Variants in RSBN1L observed in about 807,000 individuals in gnomAD.
RSBN1L encodes the protein round spermatid basic protein 1 like.
A neutral mutation model predicts 67.7 loss-of-function variants in RSBN1L; 30 were observed. The observed-to-expected ratio is 0.44, with a 90% confidence interval of 0.33 to 0.60. The LOEUF is 0.60. RSBN1L is among the 20% of genes least tolerant of loss of function. The pLI is 0.02. For missense variants in RSBN1L, 992 were observed against 1,031.7 expected (o/e 0.96, Z 0.53); for synonymous variants, 433 against 387.0 (o/e 1.12, Z -1.39).
chr7:77,760,828 G>T (rs923492291), intron 3 of RSBN1L, among the ~76,000 whole-genome samples: 7 of 152,150 alleles, frequency 4.6e-5, no homozygotes, highest in African/African-American at 1.7e-4. Context: ...TAGAGACGGG[G>T]TTTTGTCATG....
intron 1 of RSBN1L, among the ~76,000 whole-genome samples, chr7:77,726,291 C>G (rs939502874): frequency 6.6e-6 from 1 of 152,176 alleles, no homozygotes; most frequent in Non-Finnish European, 1.5e-5. Flanking sequence ...AGGATCCCAT[C>G]CAGGATACTG....
intron 3 of RSBN1L, among the ~76,000 whole-genome samples, chr7:77,761,097 T>A (rs1316862876): frequency 6.6e-6 from 1 of 152,222 alleles, no homozygotes; most frequent in Non-Finnish European, 1.5e-5. Flanking sequence ...TTTTTTTAGT[T>A]AATGGAAACG....
chr7:77,777,171 C>A (rs73136294), intron 6 of RSBN1L, among the ~76,000 whole-genome samples: 33,673 of 151,728 alleles, frequency 0.22, 4,062 homozygotes, highest in South Asian at 0.29. Flanking sequence ...TATTCCCTCC[C>A]CCCTCACATT....
intron 2 of RSBN1L, among the ~76,000 whole-genome samples, chr7:77,747,891 C>G (rs1584294070): frequency 6.6e-6 from 1 of 150,872 alleles, no homozygotes; most frequent in South Asian, 2.1e-4. Flanking sequence ...AAGCATGATG[C>G]TGGCATCTGC....
chr7:77,774,903 C>G (rs1234075208), intron 6 of RSBN1L, among the ~76,000 whole-genome samples: 1 of 152,038 alleles, frequency 6.6e-6, no homozygotes. Flanking sequence ...ACTCTGTTGC[C>G]CAGGCTATAG....
At chr7:77,757,688 A>G (rs1034635391) in intron 3 of RSBN1L, among the ~76,000 whole-genome samples, 2 of 152,232 alleles carry the variant, frequency 1.3e-5, no homozygotes, top group African/African-American at 4.8e-5. Context: ...TTGGCAGACC[A>G]GTTGGGTCTT....
At chr7:77,759,961 G>T (rs913147011) in intron 3 of RSBN1L, among the ~76,000 whole-genome samples, 3 of 152,130 alleles carry the variant, frequency 2.0e-5, no homozygotes, top group African/African-American at 7.2e-5. Context: ...CTCTCTTCAG[G>T]GAACATGTTT....
chr7:77,773,386 A>G (rs1791871476), intron 6 of RSBN1L, 72 bp downstream of exon 6: 2 of 1,115,798 alleles, frequency 1.8e-6, no homozygotes, highest in Non-Finnish European at 1.2e-6. Context: ...AAATCTTAGT[A>G]ATTCCTCCTT....
At chr7:77,717,998 G>A (rs527324207) in intron 1 of RSBN1L, among the ~76,000 whole-genome samples, 13 of 152,346 alleles carry the variant, frequency 8.5e-5, no homozygotes, top group South Asian at 2.1e-4. Flanking sequence ...CAGTCGGGGC[G>A]ACAGAGCGAG....
chr7:77,731,334 C>G (rs1791268988), intron 1 of RSBN1L, among the ~76,000 whole-genome samples: 1 of 152,148 alleles, frequency 6.6e-6, no homozygotes, highest in African/African-American at 2.4e-5. Flanking sequence ...CTCAACCTCT[C>G]ACCTAAAACT....
intron 5 of RSBN1L, among the ~76,000 whole-genome samples, chr7:77,771,882 T>C (rs1468115641): frequency 6.6e-6 from 1 of 152,098 alleles, no homozygotes; most frequent in Non-Finnish European, 1.5e-5. Flanking sequence ...GAAAGTCTCT[T>C]CTCAGAACAA....
At chr7:77,702,477 G>A (rs1790831581) in intron 1 of RSBN1L, among the ~76,000 whole-genome samples, 1 of 151,802 alleles carries the variant, frequency 6.6e-6, no homozygotes, top group Non-Finnish European at 1.5e-5. Context: ...TTAGTTGGAG[G>A]TTTTGTTCAG....
intron 4 of RSBN1L, among the ~76,000 whole-genome samples, chr7:77,767,369 TTTTG>T (rs1349757467): frequency 2.6e-5 from 4 of 151,982 alleles, no homozygotes; most frequent in Non-Finnish European, 5.9e-5. Context: ...CTCTGTCTTT[TTTTG>T]TTTGTTTGTT....
chr7:77,770,535 T>C (rs1791833478), intron 5 of RSBN1L, among the ~76,000 whole-genome samples: 2 of 151,940 alleles, frequency 1.3e-5, no homozygotes, highest in African/African-American at 2.4e-5. Flanking sequence ...ATTTAAAAAT[T>C]TAGCCAATGT....
At chr7:77,768,297 CTTAAA>C (rs1447959909) in intron 4 of RSBN1L, 5 of 160,284 alleles carry the variant, frequency 3.1e-5, no homozygotes, top group African/African-American at 9.6e-5. Flanking sequence ...AGTTTTTAAA[CTTAAA>C]TTTAATTGTT....
chr7:77,701,151 CAAAA>C (rs1221326900), intron 1 of RSBN1L, among the ~76,000 whole-genome samples: 2 of 88,738 alleles, frequency 2.3e-5, no homozygotes, highest in African/African-American at 4.1e-5. Flanking sequence ...GACTCTGGCT[CAAAA>C]AAAAAAAAAA....
At chr7:77,736,660 G>C (rs1791340784) in intron 2 of RSBN1L, 134 bp downstream of exon 2, 1 of 397,366 alleles carries the variant, frequency 2.5e-6, no homozygotes, top group Middle Eastern at 5.6e-4. Flanking sequence ...GAAATGAAAA[G>C]TAAATGTAAC....
intron 4 of RSBN1L, among the ~76,000 whole-genome samples, chr7:77,767,726 GCCTCCCCTCC>G (rs137883473): frequency 5.6e-5 from 5 of 89,912 alleles, no homozygotes; most frequent in Admixed American, 2.3e-4. Flanking sequence ...CTCTCGCCTC[GCCTCCCCTCC>G]CCTCCCCTCC....
intron 1 of RSBN1L, among the ~76,000 whole-genome samples, chr7:77,718,452 C>T (rs1402713079): frequency 6.6e-6 from 1 of 151,998 alleles, no homozygotes; most frequent in Non-Finnish European, 1.5e-5. Flanking sequence ...CCACACCTGG[C>T]TAATTTTTTT....
Sources: gnomAD v4.1 joint callset for allele counts (sites outside exome capture counted in the v4.1 genomes callset) on GRCh38, gnomAD v4.1.1 for gene constraint, MANE v1.5 for transcripts, NCBI Gene and HGNC (gene_info 2026-07-23, HGNC 2026-07-21) for gene names.